The following STXBP5L variants were observed in gnomAD, a reference collection of about 807,000 sequenced individuals.
STXBP5L encodes syntaxin binding protein 5L.
A neutral mutation model predicts 144.5 loss-of-function variants in STXBP5L; 65 were observed. That is an observed-to-expected ratio of 0.45 (90% CI 0.37 to 0.55). The LOEUF is 0.55. Among genes scored for constraint, STXBP5L ranks in the 20% least tolerant of loss-of-function variants. STXBP5L has a pLI of 0.00. For missense variants in STXBP5L, 1,298 were observed against 1,405.5 expected (o/e 0.92, Z 1.22); for synonymous variants, 505 against 469.6 (o/e 1.08, Z -0.97).
intron 20 of STXBP5L, among the ~76,000 whole-genome samples, chr3:121,343,422 A>G (rs2044812848): frequency 6.6e-6 from 1 of 152,144 alleles, no homozygotes; most frequent in Admixed American, 6.6e-5. Context: ...AGAAGGAAAT[A>G]AAGGTTATTC....
At chr3:121,375,575 A>G (rs975596890) in intron 20 of STXBP5L, among the ~76,000 whole-genome samples, 2 of 152,204 alleles carry the variant, frequency 1.3e-5, no homozygotes, top group African/African-American at 4.8e-5. Context: ...AAACACCTAC[A>G]TTGCAGGATT....
intron 19 of STXBP5L, among the ~76,000 whole-genome samples, chr3:121,294,223 C>T (rs888156693): frequency 6.6e-6 from 1 of 152,058 alleles, no homozygotes; most frequent in Non-Finnish European, 1.5e-5. Flanking sequence ...GTGATAGCAA[C>T]GCTGTTGGAG....
chr3:121,379,876 T>G (rs906459231), intron 21 of STXBP5L, among the ~76,000 whole-genome samples: 2 of 152,196 alleles, frequency 1.3e-5, no homozygotes, highest in African/African-American at 4.8e-5. Flanking sequence ...ATTCTGTTGC[T>G]GAGGTTGGAT....
chr3:121,087,277 G>A (rs1020271811), intron 5 of STXBP5L, among the ~76,000 whole-genome samples: 2 of 152,034 alleles, frequency 1.3e-5, no homozygotes, highest in African/African-American at 2.4e-5. Context: ...TGAGAGAGAG[G>A]TATTGAAGTC....
At chr3:120,964,809 C>G (rs1939352675) in intron 3 of STXBP5L, among the ~76,000 whole-genome samples, 1 of 152,132 alleles carries the variant, frequency 6.6e-6, no homozygotes, top group Admixed American at 6.6e-5. Context: ...GATCTGAGTT[C>G]AGGTCCTGGA....
intron 5 of STXBP5L, among the ~76,000 whole-genome samples, chr3:121,061,177 G>T (rs2041257768): frequency 6.6e-6 from 1 of 152,084 alleles, no homozygotes; most frequent in Non-Finnish European, 1.5e-5. Flanking sequence ...TTAAGTCTTT[G>T]TTCTCATTGG....
At chr3:121,190,869 G>A (rs1490073548) in intron 9 of STXBP5L, among the ~76,000 whole-genome samples, 6 of 151,836 alleles carry the variant, frequency 4.0e-5, no homozygotes, top group South Asian at 2.1e-4. Context: ...ACGGGGTGGC[G>A]GCGGGGCAGA....
chr3:121,194,232 C>T (rs2047829757), intron 9 of STXBP5L, among the ~76,000 whole-genome samples: 1 of 152,116 alleles, frequency 6.6e-6, no homozygotes, highest in African/African-American at 2.4e-5. Flanking sequence ...ACTTTAGTCT[C>T]TGTGTGTATG....
chr3:121,348,910 T>C (rs533252631), intron 20 of STXBP5L, among the ~76,000 whole-genome samples: 1 of 152,236 alleles, frequency 6.6e-6, no homozygotes, highest in East Asian at 1.9e-4. Context: ...AAAAACCAAC[T>C]CCTGGATTCA....
chr3:121,293,931 CAG>C (rs2051546399), intron 19 of STXBP5L, among the ~76,000 whole-genome samples: 1 of 151,960 alleles, frequency 6.6e-6, no homozygotes, highest in Non-Finnish European at 1.5e-5. Context: ...CATCTAGAAA[CAG>C]AAAGAATGCA....
At chr3:121,011,017 A>T (rs1194783152) in intron 3 of STXBP5L, among the ~76,000 whole-genome samples, 2 of 150,672 alleles carry the variant, frequency 1.3e-5, no homozygotes, top group African/African-American at 2.4e-5. Flanking sequence ...ATTTGGGTTC[A>T]GTAGGGGAAT....
intron 9 of STXBP5L, among the ~76,000 whole-genome samples, chr3:121,177,268 A>T (rs1428810405): frequency 6.6e-6 from 1 of 152,132 alleles, no homozygotes; most frequent in Non-Finnish European, 1.5e-5. Context: ...ACTAAAATAA[A>T]AATATGTTTA....
chr3:121,033,636 T>G (rs894074505), intron 3 of STXBP5L, among the ~76,000 whole-genome samples: 2 of 151,780 alleles, frequency 1.3e-5, no homozygotes, highest in Non-Finnish European at 2.9e-5. Flanking sequence ...TATGGTATAT[T>G]TACCCACTTG....
At chr3:121,351,853 T>A (rs969002912) in intron 20 of STXBP5L, among the ~76,000 whole-genome samples, 1 of 152,176 alleles carries the variant, frequency 6.6e-6, no homozygotes, top group Non-Finnish European at 1.5e-5. Flanking sequence ...CTTGAATGAA[T>A]TTTTGTATAA....
Position 121,381,552 on chromosome 3 carries a change from C to G in STXBP5L, c.2587+20C>G, listed in dbSNP as rs201445931. 7.6e-6 allele frequency: 12 copies of G among 1,578,304 alleles called. No homozygotes were observed. The highest frequency in any genetic ancestry group is 1.0e-5 in the Non-Finnish European group (12 of 1,170,152). ...CAAGTGGTAAGAGTTTGTATTCATTCATTCCTTCACTGTTACTTTTTCAAA... is the reference window on the plus strand; with the variant it reads ...CAAGTGGTAAGAGTTTGTATTCATTGATTCCTTCACTGTTACTTTTTCAAA... On this transcript the variant is annotated intron_variant, in intron 22 of 26. Coordinates refer to ENST00000471454, the MANE Select transcript of STXBP5L (RefSeq NM_001308330.2).
In STXBP5L at chr3:121,378,905, A is replaced by AT. The variant is rs770213317; in HGVS notation, c.2347+26dup. On this transcript the variant is annotated intron_variant, in intron 21 of 26. Coordinates refer to ENST00000471454, the MANE Select transcript of STXBP5L (RefSeq NM_001308330.2). ...ACAGAAGGTATGTTAAACATATTAAATTTTTTTGTTACAGTTAAAATTTGG... is the reference window on the plus strand; with the variant it reads ...ACAGAAGGTATGTTAAACATATTAAATTTTTTTTGTTACAGTTAAAATTTGG... 5 of 1,598,154 alleles carry AT rather than the reference A, an allele frequency of 3.1e-6. No individual in the cohort carries two copies. Among genetic ancestry groups the AT allele is most frequent in the South Asian group, 1.1e-5 (1 of 89,130 alleles).
At chr3:121,348,605 T>C (rs2045115554) in intron 20 of STXBP5L, among the ~76,000 whole-genome samples, 2 of 152,104 alleles carry the variant, frequency 1.3e-5, no homozygotes, top group African/African-American at 4.8e-5. Context: ...TTTTGGTTGG[T>C]AAGCTATTAA....
chr3:121,025,871 TATA>T (rs2107479526), intron 3 of STXBP5L, among the ~76,000 whole-genome samples: 1 of 146,878 alleles, frequency 6.8e-6, no homozygotes, highest in South Asian at 2.1e-4. Context: ...TAAATTATAT[TATA>T]ATTATTTATA....
intron 20 of STXBP5L, among the ~76,000 whole-genome samples, chr3:121,353,034 G>A (rs1284372703): frequency 2.6e-5 from 4 of 152,124 alleles, no homozygotes; most frequent in Admixed American, 1.3e-4. Flanking sequence ...GAGGAAGCCA[G>A]CCTGATCGTG....
Sources: allele counts gnomAD v4.1 joint callset (sites outside exome capture counted in the v4.1 genomes callset), GRCh38; gene constraint gnomAD v4.1.1; transcripts MANE v1.5; gene names NCBI Gene and HGNC (gene_info 2026-07-23, HGNC 2026-07-21).